NET1: variants seen among roughly 807,000 people sequenced by gnomAD.
NET1 encodes neuroepithelial cell-transforming gene 1 protein.
Under a neutral mutation model 61.1 loss-of-function variants are expected in NET1, and 42 were observed. The ratio of observed to expected loss-of-function variants is 0.69; its 90% CI spans 0.54 to 0.89. NET1 has a LOEUF of 0.89. NET1 is among the 40% of genes least tolerant of loss of function. NET1 has a pLI of 0.00. For missense variants in NET1, 654 were observed against 747.3 expected (o/e 0.88, Z 1.46); for synonymous variants, 254 against 281.8 (o/e 0.90, Z 0.99).
chr10:5,456,883 G>A lies in NET1; in HGVS notation c.1680G>A (p.Met560Ile), dbSNP rs1295792847. The A allele has an allele frequency of 6.2e-7, 1 of 1,613,986 alleles. No individual in the cohort carries two copies. Among genetic ancestry groups the A allele is most frequent in the African/African-American group, 1.3e-5 (1 of 74,926 alleles). Residue 560 changes from methionine (M) to isoleucine (I), a missense_variant, in exon 12 of 12, where the codon ATG becomes ATA. Transcript: ENST00000355029. This position sits in a 1 kb window ranked among gnomAD's most constrained non-coding sequence, Gnocchi z 7.0. ...DENAYRCGSG[M>I]QMAEDSKSLK... Reference sequence around the variant, plus strand: ...ACGCTTACAGATGTGGCTCTGGCATGCAGATGGCAGAGGACAGCAAGAGCT... The same window carrying A: ...ACGCTTACAGATGTGGCTCTGGCATACAGATGGCAGAGGACAGCAAGAGCT...
In NET1 at chr10:5,441,735, A is replaced by C. The variant is rs1202211387; in HGVS notation, c.256-10095A>C. ...TTCCCCAAACCAAATTCTTAGTACT[A>C]AACTTGGAGATTCAAATCACATATA... On this transcript the variant is annotated intron_variant, in intron 3 of 11. Coordinates refer to ENST00000355029, the MANE Select transcript of NET1 (RefSeq NM_001047160.3). This position sits in a 1 kb window ranked among gnomAD's most constrained non-coding sequence, Gnocchi z 4.6. 6.6e-6 allele frequency among the ~76,000 whole-genome samples: 1 copy of C among 152,240 alleles called. No individual in the cohort carries two copies. Among genetic ancestry groups the C allele is most frequent in the African/African-American group, 2.4e-5 (1 of 41,454 alleles).
rs150385780 is a variant in NET1, at chr10:5,439,717, C to CT, written c.255+10489dup. Among the ~76,000 whole-genome samples, 3,913 of 152,350 alleles carry CT rather than the reference C, an allele frequency of 0.026. 64 individuals are homozygous for CT. The highest frequency in any genetic ancestry group is 0.043 in the Admixed American group (665 of 15,300). On this transcript the variant is annotated intron_variant, in intron 3 of 11. Transcript: ENST00000355029. The surrounding 1 kb of genome is among the most constrained non-coding windows in gnomAD (Gnocchi z 4.8). ...AGCTTTGCTCTGGAACCCTAAGGCTCTGCATTGCAGTTCTCTTCCTGGCCT... is the reference window on the plus strand; with the variant it reads ...AGCTTTGCTCTGGAACCCTAAGGCTCTTGCATTGCAGTTCTCTTCCTGGCCT...
At chr10:5,428,965 C>A (rs1012049164) in intron 2 of NET1, among the ~76,000 whole-genome samples, 8 of 151,618 alleles carry the variant, frequency 5.3e-5, no homozygotes, top group Admixed American at 3.3e-4. Flanking sequence ...AACTCCTGAC[C>A]TCAGACGATC....
chr10:5,436,226 A>G (rs1300560915), intron 3 of NET1, among the ~76,000 whole-genome samples: 1 of 6,210 alleles, frequency 1.6e-4, no homozygotes, highest in African/African-American at 4.3e-4. Context: ...GTGTGTGTGC[A>G]TATATATATA....
Position 5,415,346 on chromosome 10 carries a change from T to C in NET1, c.128+2526T>C, listed in dbSNP as rs1461579851. Among the ~76,000 whole-genome samples, 1 of 152,190 alleles carries C rather than the reference T, an allele frequency of 6.6e-6. No homozygotes were observed. Among genetic ancestry groups the C allele is most frequent in the Non-Finnish European group, 1.5e-5 (1 of 68,026 alleles). On this transcript the variant is annotated intron_variant, in intron 1 of 11. Transcript: ENST00000355029. The surrounding 1 kb of genome is among the most constrained non-coding windows in gnomAD (Gnocchi z 4.7). ...CTACCCCTTCTGCCCTAAAACCTAA[T>C]CTGTCGGTCTGTAGGAATTTCTCTG...
intron 1 of NET1, among the ~76,000 whole-genome samples, chr10:5,418,816 C>T (rs1832120838): frequency 1.3e-5 from 2 of 152,196 alleles, no homozygotes; most frequent in South Asian, 4.1e-4. Context: ...CTATAAATTT[C>T]CCTCTGAGCA....
chr10:5,442,070 A>G (rs1263163708), intron 3 of NET1, among the ~76,000 whole-genome samples: 1 of 152,214 alleles, frequency 6.6e-6, no homozygotes, highest in Non-Finnish European at 1.5e-5. Flanking sequence ...ATTTTAAAAT[A>G]TATGTTTAAT....
chr10:5,438,275 A>G (rs1832469748), intron 3 of NET1, among the ~76,000 whole-genome samples: 1 of 152,154 alleles, frequency 6.6e-6, no homozygotes, highest in Non-Finnish European at 1.5e-5. Context: ...AAAATATAGA[A>G]TCAAAAAACA....
At chr10:5,432,998 A>T (rs1832373151) in intron 3 of NET1, among the ~76,000 whole-genome samples, 1 of 152,010 alleles carries the variant, frequency 6.6e-6, no homozygotes, top group Non-Finnish European at 1.5e-5. Context: ...ACTTCTCCCT[A>T]CCCTCTTTCT....
In NET1 at chr10:5,446,568, C is replaced by T. The variant is rs1196826065; in HGVS notation, c.256-5262C>T. The T allele has an allele frequency of 1.0e-5, 12 of 1,169,244 alleles. No homozygotes were observed. Among genetic ancestry groups the T allele is most frequent in the Non-Finnish European group, 8.4e-6 (8 of 948,298 alleles). The allele number at this position is 1,169,244 out of a possible 1,614,324, so 72.4% of individuals were successfully genotyped here. On this transcript the variant is annotated intron_variant, in intron 3 of 11. Coordinates refer to ENST00000355029, the MANE Select transcript of NET1 (RefSeq NM_001047160.3). The surrounding 1 kb of genome is among the most constrained non-coding windows in gnomAD (Gnocchi z 5.0). ...CAGGGCCCGGTTGGCTGTGGCCCCG[C>T]CCCCGAGCCCTGGGGTCGGTGCTTG...
At position 5,455,270 on chromosome 10, in the gene NET1, C is replaced by A; in HGVS notation, c.1197+152C>A. ...ATTTTATATTACCAGCTTGATAAAG[C>A]CAACAAAGAAGATACCTTAAATGTC... On this transcript the variant is annotated intron_variant, in intron 10 of 11. Coordinates refer to ENST00000355029, the MANE Select transcript of NET1 (RefSeq NM_001047160.3). The surrounding 1 kb of genome is among the most constrained non-coding windows in gnomAD (Gnocchi z 6.5). The A allele has an allele frequency of 3.1e-6, 2 of 640,084 alleles. No homozygotes were observed. The highest frequency in any genetic ancestry group is 5.3e-6 in the Non-Finnish European group (2 of 374,048). The allele number at this position is 640,084 out of a possible 1,614,324, so 39.7% of individuals were successfully genotyped here. A position where few individuals can be genotyped will look rare whatever the true frequency, so the allele number is the denominator to read the frequency against.
At position 5,455,666 on chromosome 10, in the gene NET1, G is replaced by A. The variant is rs953409911; in HGVS notation, c.1198-421G>A. ...CTGACATCTTTGATTTTTCCCTCAC[G>A]AGGGGAAAATTTATAAAGGTATAAA... On this transcript the variant is annotated intron_variant, in intron 10 of 11. Transcript: ENST00000355029. The surrounding 1 kb of genome is among the most constrained non-coding windows in gnomAD (Gnocchi z 6.5). Among the ~76,000 whole-genome samples, 7 of 152,062 alleles carry A rather than the reference G, an allele frequency of 4.6e-5. No homozygotes were observed. The highest frequency in any genetic ancestry group is 2.1e-4 in the South Asian group (1 of 4,830).
chr10:5,424,834 G>T lies in NET1; in HGVS notation c.129-1821G>T, dbSNP rs1001350617. Among the ~76,000 whole-genome samples the T allele has an allele frequency of 1.3e-5, 2 of 152,104 alleles. No individual in the cohort carries two copies. The highest frequency in any genetic ancestry group is 4.8e-5 in the African/African-American group (2 of 41,404). The stretch of plus-strand genomic sequence containing the variant: ...TTCCTGGCAATTTTGACATCGAACC[G>T]TCTCTCAAATCAGCTTCTCCTCTCT... On this transcript the variant is annotated intron_variant, in intron 1 of 11. Coordinates refer to ENST00000355029, the MANE Select transcript of NET1 (RefSeq NM_001047160.3). The surrounding 1 kb of genome is among the most constrained non-coding windows in gnomAD (Gnocchi z 6.1).
chr10:5,423,105 A>G lies in NET1; in HGVS notation c.129-3550A>G, dbSNP rs77990169. Among the ~76,000 whole-genome samples, 13 of 152,356 alleles carry G rather than the reference A, an allele frequency of 8.5e-5. No homozygotes were observed. Among genetic ancestry groups the G allele is most frequent in the African/African-American group, 2.9e-4 (12 of 41,592 alleles). On this transcript the variant is annotated intron_variant, in intron 1 of 11. Transcript: ENST00000355029. The surrounding 1 kb of genome is among the most constrained non-coding windows in gnomAD (Gnocchi z 4.4). The stretch of plus-strand genomic sequence containing the variant: ...GTGCTTGTCACATAGTAGGCACCCA[A>G]TAAATGATAACATTATCCTTTTTAA...
In NET1 at chr10:5,456,933, G is replaced by T. The variant is rs1832812685; in HGVS notation, c.1730G>T (p.Gly577Val). The T allele has an allele frequency of 6.2e-7, 1 of 1,607,530 alleles. No homozygotes were observed. The highest frequency in any genetic ancestry group is 1.1e-5 in the South Asian group (1 of 90,188). ...KSLKTHQTQP[G>V]IRRARDKALS... ...TTAAAGACACACCAGACACAGCCCG[G>T]CATCCGAAGAGCGAGGGACAAAGCC... The change falls in exon 12 of 12, where the codon GGC becomes GTC. Residue 577 changes from glycine (G) to valine (V), a missense_variant. Coordinates refer to ENST00000355029, the MANE Select transcript of NET1 (RefSeq NM_001047160.3). The surrounding 1 kb of genome is among the most constrained non-coding windows in gnomAD (Gnocchi z 7.0).
intron 3 of NET1, among the ~76,000 whole-genome samples, chr10:5,448,225 C>T (rs543987112): frequency 2.6e-5 from 4 of 152,186 alleles, no homozygotes; most frequent in African/African-American, 9.6e-5. Flanking sequence ...ATAGAAGAGA[C>T]CCTCCTAAAA....
chr10:5,413,102 T>A (rs1281553351), intron 1 of NET1, among the ~76,000 whole-genome samples: 1 of 151,706 alleles, frequency 6.6e-6, no homozygotes, highest in Non-Finnish European at 1.5e-5. Context: ...GTGCCTGGCC[T>A]TGGACCGAGG....
Position 5,426,570 on chromosome 10 carries a change from T to C in NET1, c.129-85T>C, listed in dbSNP as rs1832261048. ...GCCACTTTAAACGGTTTTGAAAGTA[T>C]GAAAAGTATAGCTTTTTATCTGTTT... On this transcript the variant is annotated intron_variant, in intron 1 of 11. Transcript: ENST00000355029. This position sits in a 1 kb window ranked among gnomAD's most constrained non-coding sequence, Gnocchi z 4.6. The C allele has an allele frequency of 9.3e-7, 1 of 1,076,134 alleles. No homozygotes were observed. The highest frequency in any genetic ancestry group is 2.5e-5 in the East Asian group (1 of 40,282). The allele number at this position is 1,076,134 out of a possible 1,614,324, so 66.7% of individuals were successfully genotyped here. A position where few individuals can be genotyped will look rare whatever the true frequency, so the allele number is the denominator to read the frequency against.
rs1832215055 is a variant in NET1 at position 5,423,669 on chromosome 10, C to T, written c.129-2986C>T. On this transcript the variant is annotated intron_variant, in intron 1 of 11. Coordinates refer to ENST00000355029, the MANE Select transcript of NET1 (RefSeq NM_001047160.3). This position sits in a 1 kb window ranked among gnomAD's most constrained non-coding sequence, Gnocchi z 4.4. ...TGCCACTTTTCGCTCTACATTTCAT[C>T]CTTTAAGCCCTCCTTTTTAGGAGGT... 6.6e-6 allele frequency among the ~76,000 whole-genome samples: 1 copy of T among 152,132 alleles called. No homozygotes were observed. The highest frequency in any genetic ancestry group is 1.9e-4 in the East Asian group (1 of 5,204).
Sources: allele counts gnomAD v4.1 joint callset (sites outside exome capture counted in the v4.1 genomes callset), GRCh38; gene constraint gnomAD v4.1.1; non-coding constraint Gnocchi (gnomAD v3.1); transcripts MANE v1.5; gene names NCBI Gene and HGNC (gene_info 2026-07-23, HGNC 2026-07-21).